DTNA: variants seen among roughly 807,000 people sequenced by gnomAD.
The protein encoded by DTNA is dystrophin-related protein 3.
Under a neutral mutation model 100.7 loss-of-function variants are expected in DTNA, and 43 were observed. The observed-to-expected ratio is 0.43, with a 90% confidence interval of 0.33 to 0.55. DTNA has a LOEUF of 0.55. DTNA is among the 20% of genes least tolerant of loss of function. The pLI, the probability that DTNA is intolerant of heterozygous loss-of-function variation, is 0.04. For missense variants in DTNA, 798 were observed against 953.9 expected (o/e 0.84, Z 2.15); for synonymous variants, 349 against 347.9 (o/e 1.00, Z -0.04).
At chr18:34,706,683 T>C (rs2082163986), upstream of DTNA, among the ~76,000 whole-genome samples, 1 of 152,194 alleles carries the variant, frequency 6.6e-6, no homozygotes, top group Non-Finnish European at 1.5e-5. Context: ...ATCCTTATTA[T>C]TTATAGCCCC....
chr18:34,551,194 T>C (rs2045373029), intron 1 of DTNA, among the ~76,000 whole-genome samples: 1 of 152,180 alleles, frequency 6.6e-6, no homozygotes, highest in African/African-American at 2.4e-5. Flanking sequence ...GCCTATCTTA[T>C]TCCACAGAGA....
chr18:34,738,496 C>CAT (rs5823951), intron 1 of DTNA, among the ~76,000 whole-genome samples: 34,327 of 152,054 alleles, frequency 0.23, 4,627 homozygotes, highest in African/African-American at 0.37. Flanking sequence ...CCATTTAAAA[C>CAT]ATGATTTACT....
intron 1 of DTNA, among the ~76,000 whole-genome samples, chr18:34,521,960 T>C (rs1257647151): frequency 6.6e-6 from 1 of 152,186 alleles, no homozygotes; most frequent in Non-Finnish European, 1.5e-5. Context: ...TTCACCTTTA[T>C]ATCCCTAGCA....
chr18:34,839,016 C>G (rs190007217), intron 13 of DTNA, among the ~76,000 whole-genome samples, 179 bp downstream of exon 13: 136 of 152,254 alleles, frequency 8.9e-4, no homozygotes, highest in Non-Finnish European at 1.5e-3. Context: ...ATGAAGGAAC[C>G]ATAGGATTCA....
intron 1 of DTNA, among the ~76,000 whole-genome samples, chr18:34,610,085 G>A (rs2053933623): frequency 6.6e-6 from 1 of 152,062 alleles, no homozygotes; most frequent in Non-Finnish European, 1.5e-5. Flanking sequence ...TTTTCAGCAA[G>A]TTTTAATTTT....
chr18:34,593,143 T>G (rs2049932762), intron 1 of DTNA, among the ~76,000 whole-genome samples: 1 of 152,138 alleles, frequency 6.6e-6, no homozygotes, highest in Admixed American at 6.6e-5. Context: ...AATGAAAGCA[T>G]CTCCTTTTAC....
At chr18:34,749,311 G>T (rs959958432) in intron 1 of DTNA, among the ~76,000 whole-genome samples, 2 of 151,968 alleles carry the variant, frequency 1.3e-5, no homozygotes, top group Non-Finnish European at 2.9e-5. Flanking sequence ...CTCTTTATTT[G>T]TTTCTCTTGT....
chr18:34,533,515 C>G (rs1409575381), intron 1 of DTNA, among the ~76,000 whole-genome samples: 1 of 152,010 alleles, frequency 6.6e-6, no homozygotes, highest in Non-Finnish European at 1.5e-5. Flanking sequence ...ATATGTGTAA[C>G]TGGAACTAGA....
At chr18:34,843,686 A>G (rs1231714851) in intron 13 of DTNA, among the ~76,000 whole-genome samples, 3 of 152,098 alleles carry the variant, frequency 2.0e-5, no homozygotes, top group Non-Finnish European at 4.4e-5. Context: ...ATCTCCAAAT[A>G]TAGTCACATT....
At chr18:34,628,211 A>C (rs1052791082) in intron 1 of DTNA, among the ~76,000 whole-genome samples, 3 of 152,210 alleles carry the variant, frequency 2.0e-5, no homozygotes, top group Non-Finnish European at 4.4e-5. Context: ...GACCACTTAA[A>C]ATCCTTCTTA....
At chr18:34,669,466 A>G (rs552000567) in intron 1 of DTNA, among the ~76,000 whole-genome samples, 15 of 152,272 alleles carry the variant, frequency 9.9e-5, no homozygotes, top group African/African-American at 3.4e-4. Context: ...TGATCCTGTC[A>G]TTGTGATGTT....
intron 17 of DTNA, among the ~76,000 whole-genome samples, chr18:34,865,439 A>G (rs138662167): frequency 4.5e-4 from 68 of 151,118 alleles, no homozygotes; most frequent in African/African-American, 1.6e-3. Flanking sequence ...TCCTTACTCT[A>G]TTTTATTCCT....
chr18:34,593,324 A>G (rs2049954461), intron 1 of DTNA: 1 of 152,182 alleles, frequency 6.6e-6, no homozygotes, highest in Non-Finnish European at 1.5e-5. Context: ...AATCATTTTC[A>G]AGTTAAAGAT....
intron 2 of DTNA, among the ~76,000 whole-genome samples, chr18:34,761,753 G>T (rs926906523): frequency 6.6e-6 from 1 of 152,108 alleles, no homozygotes; most frequent in Non-Finnish European, 1.5e-5. Context: ...AATATATGTA[G>T]AAGTAGAGAA....
At chr18:34,764,201 T>G (rs2093350287) in intron 2 of DTNA, among the ~76,000 whole-genome samples, 1 of 140,656 alleles carries the variant, frequency 7.1e-6, no homozygotes, top group African/African-American at 2.7e-5. Flanking sequence ...AAGTGGTCAT[T>G]ATGTTCTCAG....
At chr18:34,511,888 C>T (rs995908751) in intron 1 of DTNA, among the ~76,000 whole-genome samples, 2 of 151,940 alleles carry the variant, frequency 1.3e-5, no homozygotes, top group Non-Finnish European at 2.9e-5. Context: ...GTCCTTAGGT[C>T]ACTTTGACTC....
chr18:34,641,428 T>C (rs1194766417), intron 1 of DTNA, among the ~76,000 whole-genome samples: 1 of 152,236 alleles, frequency 6.6e-6, no homozygotes, highest in East Asian at 1.9e-4. Context: ...TACAGACTTA[T>C]TCCGTTTACC....
In DTNA at chr18:34,794,138, G is replaced by C; in HGVS notation, c.250G>C (p.Val84Leu). The change falls in exon 4 of 23, where the codon GTG (valine) becomes CTG (leucine). Residue 84 changes from valine (V) to leucine (L), a missense_variant. Coordinates refer to ENST00000444659, the MANE Select transcript of DTNA (RefSeq NM_001386795.1). The stretch of plus-strand genomic sequence containing the variant: ...ACTCAACGTGTCCCGCTTAGAGGCT[G>C]TGCTCTCCACTATTTTTTACCAGCT... ...TELNVSRLEAVLSTIFYQLNK... is the reference protein window; with the variant it reads ...TELNVSRLEALLSTIFYQLNK... 1 of 1,614,158 alleles carries C rather than the reference G, an allele frequency of 6.2e-7. No homozygotes were observed. The highest frequency in any genetic ancestry group is 1.3e-5 in the African/African-American group (1 of 75,046).
intron 1 of DTNA, among the ~76,000 whole-genome samples, chr18:34,541,384 T>A (rs1382711498): frequency 6.6e-6 from 1 of 152,044 alleles, no homozygotes; most frequent in Non-Finnish European, 1.5e-5. Flanking sequence ...ATTGTGATAA[T>A]CCCCACGTGT....
Sources: gnomAD v4.1 joint callset for allele counts (sites outside exome capture counted in the v4.1 genomes callset) on GRCh38, gnomAD v4.1.1 for gene constraint, MANE v1.5 for transcripts, NCBI Gene and HGNC (gene_info 2026-07-23, HGNC 2026-07-21) for gene names.